DLGAP2: variants seen among roughly 807,000 people sequenced by gnomAD.
The protein encoded by DLGAP2 is DLG associated protein 2.
In DLGAP2, 26 loss-of-function variants were observed where a neutral mutation model predicts 100.3. That is an observed-to-expected ratio of 0.26 (90% confidence interval 0.19 to 0.36). The LOEUF is 0.36. DLGAP2 is among the 10% of genes least tolerant of loss of function. The pLI is 1.00. For missense variants in DLGAP2, 1,858 were observed against 1,453.2 expected (o/e 1.28, Z -4.53); for synonymous variants, 886 against 630.1 (o/e 1.41, Z -6.08).
chr8:1,276,227 C>G lies in DLGAP2; in HGVS notation c.106+17344C>G, dbSNP rs1799691392. On this transcript the variant is annotated intron_variant, in intron 3 of 14. Transcript: ENST00000637795. ...ATCAACACTCCCCCCCCGACCCTAG[C>G]TCTCAATGTTATATTTCTTTCATAA... Among the ~76,000 whole-genome samples the G allele has an allele frequency of 7.3e-5, 11 of 151,146 alleles. No individual in the cohort carries two copies. The South Asian group carries it at 2.3e-3, about 31-fold the overall frequency.
At chr8:1,085,152 A>G (rs12681288) in intron 2 of DLGAP2, among the ~76,000 whole-genome samples, 55,159 of 152,090 alleles carry the variant, frequency 0.36, 10,235 homozygotes, top group East Asian at 0.48. Flanking sequence ...TTGGCCATTC[A>G]AGTGCCTTCT....
chr8:950,434 G>T (rs924906725), intron 2 of DLGAP2, among the ~76,000 whole-genome samples: 13 of 152,058 alleles, frequency 8.5e-5, no homozygotes, highest in African/African-American at 3.1e-4. Context: ...TGCGGGTCAC[G>T]TCATGTCACT....
chr8:1,245,201 A>G (rs926419698), intron 2 of DLGAP2, among the ~76,000 whole-genome samples: 4 of 152,218 alleles, frequency 2.6e-5, no homozygotes, highest in Non-Finnish European at 4.4e-5. Context: ...AGAAGTTTAA[A>G]CATAGAGTTA....
chr8:768,418 ATTTTTTTT>A (rs58234397), intron 1 of DLGAP2, among the ~76,000 whole-genome samples: 66 of 99,960 alleles, frequency 6.6e-4, no homozygotes, highest in Admixed American at 2.0e-3. Context: ...GAAGGCGTTG[ATTTTTTTT>A]TTTTTTTTTT....
At chr8:1,573,169 G>A (rs1802812578) in intron 6 of DLGAP2, among the ~76,000 whole-genome samples, 1 of 140,422 alleles carries the variant, frequency 7.1e-6, no homozygotes, top group African/African-American at 2.8e-5. Context: ...GTAATCTGAT[G>A]AGATGGAGAT....
chr8:1,435,990 C>A (rs1484062042), intron 3 of DLGAP2, among the ~76,000 whole-genome samples: 1 of 152,096 alleles, frequency 6.6e-6, no homozygotes, highest in East Asian at 1.9e-4. Context: ...CTCAGCCTTA[C>A]AAGAGAGTCA....
intron 1 of DLGAP2, among the ~76,000 whole-genome samples, chr8:788,772 C>G (rs1821947859): frequency 6.6e-6 from 1 of 152,196 alleles, no homozygotes. Context: ...GCAGAAGTCA[C>G]TTATTTTCAC....
chr8:1,424,825 G>A (rs1369023277), intron 3 of DLGAP2, among the ~76,000 whole-genome samples: 2 of 152,236 alleles, frequency 1.3e-5, no homozygotes, highest in African/African-American at 2.4e-5. Context: ...GCAGCACCTG[G>A]AGGAGTTGGA....
chr8:987,140 T>C (rs1203556017), intron 2 of DLGAP2, among the ~76,000 whole-genome samples: 1 of 152,210 alleles, frequency 6.6e-6, no homozygotes, highest in Non-Finnish European at 1.5e-5. Flanking sequence ...GAATTCTCTC[T>C]GCTCTCCTTC....
chr8:1,309,803 AC>A (rs1165098382), intron 3 of DLGAP2, among the ~76,000 whole-genome samples: 1 of 152,248 alleles, frequency 6.6e-6, no homozygotes. Context: ...TAAAGGTGAA[AC>A]CTGTGACAGG....
chr8:1,040,827 G>A (rs1802325706), intron 2 of DLGAP2, among the ~76,000 whole-genome samples: 1 of 152,184 alleles, frequency 6.6e-6, no homozygotes, highest in African/African-American at 2.4e-5. Flanking sequence ...CCTTCCTGGT[G>A]GGAGGATATT....
intron 1 of DLGAP2, among the ~76,000 whole-genome samples, chr8:787,444 GAGAGC>G: frequency 6.6e-6 from 1 of 152,360 alleles, no homozygotes; most frequent in East Asian, 1.9e-4. Context: ...CTTCTCCAAA[GAGAGC>G]GCCCTTCTCC....
intron 1 of DLGAP2, among the ~76,000 whole-genome samples, chr8:778,030 T>C: frequency 7.8e-6 from 1 of 128,032 alleles, no homozygotes. Context: ...CCCATATTTC[T>C]TGGAGGCTTT....
chr8:1,632,816 G>T lies in DLGAP2; in HGVS notation c.1591-11G>T, dbSNP rs1377602739. On this transcript the variant is annotated splice_polypyrimidine_tract_variant and intron_variant, in intron 7 of 14. Coordinates refer to ENST00000637795, the MANE Select transcript of DLGAP2 (RefSeq NM_001346810.2). ...GGGCCGGGGCATCACGTGTGCTGTT[G>T]ATGATTGCAGGTGAGCGAGGCGGAG... 6.3e-7 allele frequency: 1 copy of T among 1,597,804 alleles called. No individual in the cohort carries two copies. Among genetic ancestry groups the T allele is most frequent in the South Asian group, 1.1e-5 (1 of 87,792 alleles).
At chr8:824,919 C>A (rs547098563) in intron 1 of DLGAP2, among the ~76,000 whole-genome samples, 1 of 152,280 alleles carries the variant, frequency 6.6e-6, no homozygotes, top group South Asian at 2.1e-4. Flanking sequence ...CCATGGAAGC[C>A]ACAGGGCATC....
chr8:1,248,076 G>T (rs368972144), intron 2 of DLGAP2, among the ~76,000 whole-genome samples: 1 of 4,602 alleles, frequency 2.2e-4, no homozygotes, highest in Admixed American at 1.3e-3. Context: ...GGTCCATGTC[G>T]GTGGCCGGGA....
intron 1 of DLGAP2, among the ~76,000 whole-genome samples, chr8:766,892 G>C (rs935752909): frequency 2.0e-5 from 3 of 152,086 alleles, no homozygotes; most frequent in Non-Finnish European, 2.9e-5. Context: ...GGGCGGCCTA[G>C]ACTTGTAACA....
At chr8:1,227,035 C>T (rs1264884913) in intron 2 of DLGAP2, among the ~76,000 whole-genome samples, 1 of 150,280 alleles carries the variant, frequency 6.7e-6, no homozygotes, top group African/African-American at 2.5e-5. Flanking sequence ...AAAATCACCA[C>T]CTCGGAAATA....
intron 2 of DLGAP2, among the ~76,000 whole-genome samples, chr8:1,120,619 A>G (rs1796014907): frequency 6.6e-6 from 1 of 150,762 alleles, no homozygotes; most frequent in Non-Finnish European, 1.5e-5. Flanking sequence ...AGGACCCATG[A>G]CCACCCATCC....
Sources: allele counts gnomAD v4.1 joint callset (sites outside exome capture counted in the v4.1 genomes callset), GRCh38; gene constraint gnomAD v4.1.1; transcripts MANE v1.5; gene names NCBI Gene and HGNC (gene_info 2026-07-23, HGNC 2026-07-21).